GRM8: variants seen among roughly 807,000 people sequenced by gnomAD.
The protein encoded by GRM8 is glutamate metabotropic receptor 8, also known as metabotropic glutamate receptor 8.
A neutral mutation model predicts 87.2 loss-of-function variants in GRM8; 47 were observed. The observed-to-expected ratio is 0.54, with a 90% CI of 0.43 to 0.69. The LOEUF (loss-of-function observed/expected upper bound fraction) is 0.69. Among genes scored for constraint, GRM8 ranks in the 30% least tolerant of loss-of-function variants. The pLI, the probability that GRM8 is intolerant of heterozygous loss-of-function variation, is 0.00. For synonymous variants in GRM8, 396 were observed against 404.5 expected (o/e 0.98, Z 0.25); for missense variants, 1,019 against 1,139.2 (o/e 0.89, Z 1.52).
At chr7:127,147,906 A>G (rs1828639997) in intron 2 of GRM8, among the ~76,000 whole-genome samples, 2 of 152,100 alleles carry the variant, frequency 1.3e-5, no homozygotes, top group African/African-American at 4.8e-5. Flanking sequence ...TTGTTGTTTG[A>G]AAAGATAACC....
chr7:126,581,657 G>A (rs1473491545), intron 8 of GRM8, among the ~76,000 whole-genome samples: 1 of 151,952 alleles, frequency 6.6e-6, no homozygotes, highest in East Asian at 1.9e-4. Flanking sequence ...CTGATAGCAT[G>A]TTTTTTTGCA....
At chr7:126,729,273 G>C in intron 7 of GRM8, among the ~76,000 whole-genome samples, 1 of 152,110 alleles carries the variant, frequency 6.6e-6, no homozygotes, top group East Asian at 1.9e-4. Flanking sequence ...CCTGCAATCT[G>C]TAGCCAGAAA....
At chr7:126,919,707 C>T (rs535192428) in intron 3 of GRM8, among the ~76,000 whole-genome samples, 64 of 152,138 alleles carry the variant, frequency 4.2e-4, no homozygotes, top group South Asian at 1.7e-3. Context: ...TTCCTCTCCT[C>T]GTCCATTTCT....
chr7:127,113,113 C>A lies in GRM8; in HGVS notation c.511-6401G>T, dbSNP rs1587057128. ...CAAGGGGATCAGAGACTTTTAGATA[C>A]CAGAAATACTTTTTGTGGCCCAAGG... On this transcript the variant is annotated intron_variant, in intron 2 of 10. Transcript: ENST00000339582. 2.0e-5 allele frequency among the ~76,000 whole-genome samples: 3 copies of A among 152,132 alleles called. No homozygotes were observed. In the South Asian group the frequency reaches 6.2e-4, roughly 32 times the overall value.
intron 3 of GRM8, among the ~76,000 whole-genome samples, chr7:127,039,282 G>A (rs1169485837): frequency 6.6e-6 from 1 of 152,046 alleles, no homozygotes; most frequent in Non-Finnish European, 1.5e-5. Flanking sequence ...CAGTCCAATA[G>A]GACTGGTGTT....
At chr7:126,518,106 T>C (rs927766163) in intron 9 of GRM8, among the ~76,000 whole-genome samples, 1 of 152,068 alleles carries the variant, frequency 6.6e-6, no homozygotes, top group Non-Finnish European at 1.5e-5. Flanking sequence ...CTTCCCTCTT[T>C]TTTAGCCATT....
intron 7 of GRM8, among the ~76,000 whole-genome samples, chr7:126,733,361 T>G (rs1585709042): frequency 6.6e-6 from 1 of 150,692 alleles, no homozygotes; most frequent in African/African-American, 2.4e-5. Flanking sequence ...TAATATACAT[T>G]AAATTGATAA....
intron 9 of GRM8, among the ~76,000 whole-genome samples, chr7:126,516,766 T>C (rs1812228792): frequency 6.6e-6 from 1 of 152,152 alleles, no homozygotes; most frequent in African/African-American, 2.4e-5. Flanking sequence ...GAAAATACTG[T>C]TACTTGTATA....
At chr7:126,865,044 T>C (rs556213448) in intron 6 of GRM8, among the ~76,000 whole-genome samples, 87 of 152,208 alleles carry the variant, frequency 5.7e-4, no homozygotes, top group African/African-American at 2.0e-3. Flanking sequence ...TGTGGAGACT[T>C]TTTAGTACTG....
intron 8 of GRM8, among the ~76,000 whole-genome samples, chr7:126,603,294 A>G (rs1798005897): frequency 6.9e-6 from 1 of 144,818 alleles, no homozygotes; most frequent in African/African-American, 2.5e-5. Context: ...GAATGGGCAA[A>G]AACTGGAAGC....
At chr7:127,247,748 G>A (rs12706772) in intron 1 of GRM8, among the ~76,000 whole-genome samples, 17,521 of 152,210 alleles carry the variant, frequency 0.12, 1,277 homozygotes, top group Middle Eastern at 0.25. Flanking sequence ...GATGGACCAC[G>A]TGATCTCTAA....
intron 2 of GRM8, among the ~76,000 whole-genome samples, chr7:127,158,395 A>G (rs1472318525): frequency 1.3e-5 from 2 of 152,194 alleles, no homozygotes; most frequent in Non-Finnish European, 2.9e-5. Context: ...CAGGAATCCA[A>G]TGGTTGTCCA....
intron 8 of GRM8, among the ~76,000 whole-genome samples, chr7:126,548,456 A>C (rs1428371966): frequency 1.3e-5 from 2 of 152,208 alleles, no homozygotes; most frequent in African/African-American, 4.8e-5. Context: ...ATTTAAACAG[A>C]TAACTTTAAA....
intron 3 of GRM8, among the ~76,000 whole-genome samples, chr7:127,046,165 A>G (rs2132445496): frequency 1.3e-5 from 2 of 152,150 alleles, no homozygotes; most frequent in South Asian, 4.1e-4. Context: ...AGGTCAGGAG[A>G]TCGAGACCAT....
chr7:126,660,260 G>T (rs1219692909), intron 7 of GRM8, among the ~76,000 whole-genome samples: 3 of 152,090 alleles, frequency 2.0e-5, no homozygotes, highest in African/African-American at 7.2e-5. Flanking sequence ...AATCTGATCT[G>T]TGCTTTAATT....
intron 7 of GRM8, among the ~76,000 whole-genome samples, chr7:126,711,700 C>A (rs1228956856): frequency 6.6e-6 from 1 of 152,228 alleles, no homozygotes; most frequent in Non-Finnish European, 1.5e-5. Flanking sequence ...AGCATGGCCA[C>A]CTTCATCAAT....
chr7:126,615,111 G>A (rs1051222973), intron 7 of GRM8, among the ~76,000 whole-genome samples: 5 of 152,138 alleles, frequency 3.3e-5, no homozygotes, highest in Non-Finnish European at 7.4e-5. Flanking sequence ...AAAATGTTAA[G>A]GGCAGCCAGA....
At chr7:126,647,022 T>C (rs1439742064) in intron 7 of GRM8, among the ~76,000 whole-genome samples, 4 of 152,140 alleles carry the variant, frequency 2.6e-5, no homozygotes, top group East Asian at 3.9e-4. Context: ...AGATGACTTT[T>C]AGGGGGTGAT....
chr7:126,907,240 TGGAGGAGGAGGAGTAAGAGAAA>T (rs1802792825), intron 3 of GRM8, among the ~76,000 whole-genome samples: 1 of 103,788 alleles, frequency 9.6e-6, no homozygotes, highest in Non-Finnish European at 1.8e-5. Context: ...GAGGAAGAGA[TGGAGGAGGAGGAGTAAGAGAAA>T]GGAGGAGGAG....
Sources: gnomAD v4.1 joint callset for allele counts (sites outside exome capture counted in the v4.1 genomes callset) on GRCh38, gnomAD v4.1.1 for gene constraint, MANE v1.5 for transcripts, NCBI Gene and HGNC (gene_info 2026-07-23, HGNC 2026-07-21) for gene names.